GPATCH2L: variants seen among roughly 807,000 people sequenced by gnomAD.
GPATCH2L encodes G patch domain-containing protein 2-like.
Under a neutral mutation model 57.4 loss-of-function variants are expected in GPATCH2L, and 31 were observed. That is an observed-to-expected ratio of 0.54 (90% confidence interval 0.41 to 0.73). The LOEUF (loss-of-function observed/expected upper bound fraction) is 0.73, where lower values mean the gene tolerates loss of function less well. Among genes scored for constraint, GPATCH2L ranks in the 30% least tolerant of loss-of-function variants. GPATCH2L has a pLI of 0.00. For synonymous variants in GPATCH2L, 199 were observed against 210.7 expected (o/e 0.94, Z 0.48); for missense variants, 481 against 599.9 (o/e 0.80, Z 2.07).
intron 8 of GPATCH2L, among the ~76,000 whole-genome samples, chr14:76,187,581 A>G (rs2039816334): frequency 6.6e-6 from 1 of 152,094 alleles, no homozygotes; most frequent in Non-Finnish European, 1.5e-5. Flanking sequence ...TAACTTTCTA[A>G]TTTTTAATTT....
rs78248589 is a variant in GPATCH2L, at chr14:76,196,437, G to GTTTT, written c.1288+482_1288+485dup. 2.6e-3 allele frequency: 341 copies of GTTTT among 129,474 alleles called. 3 individuals carry two copies. Among genetic ancestry groups the GTTTT allele is most frequent in the Non-Finnish European group, 3.6e-3 (227 of 62,422 alleles). 8.0% of individuals were successfully genotyped at this position (129,474 alleles called of 1,614,324 possible). On this transcript the variant is annotated intron_variant, in intron 9 of 9. Transcript: ENST00000261530. ...CAATTTTTTAGGCTAAAACTTTTCA[G>GTTTT]TTTTTTTTTTTTTTTTTTTTAACAA...
At chr14:76,191,513 T>C (rs2039961940) in intron 8 of GPATCH2L, among the ~76,000 whole-genome samples, 2 of 152,100 alleles carry the variant, frequency 1.3e-5, no homozygotes. Flanking sequence ...AGCAGGGCTG[T>C]GCTAATATTC....
At chr14:76,169,616 C>T (rs72727857) in intron 3 of GPATCH2L, among the ~76,000 whole-genome samples, 3,131 of 152,264 alleles carry the variant, frequency 0.021, 72 homozygotes, top group East Asian at 0.13. Context: ...GGTCTCACAA[C>T]GTTCCTTCTA....
downstream of GPATCH2L, among the ~76,000 whole-genome samples, chr14:76,216,473 C>A (rs75730983): frequency 6.5e-3 from 986 of 152,212 alleles, 11 homozygotes; most frequent in African/African-American, 0.023. Context: ...TGAATATGAA[C>A]AACTTAAGCC....
Position 76,154,797 on chromosome 14 carries a change from A to G in GPATCH2L, c.434A>G (p.Gln145Arg), listed in dbSNP as rs760815960. ...VTSEVAASLQ[Q>R]KLKVSDWSYE... Reference sequence around the variant, plus strand: ...TCAGAGGTGGCTGCTAGCCTTCAGCAGAAGCTGAAGGTGTCAGATTGGAGC... The same window carrying G: ...TCAGAGGTGGCTGCTAGCCTTCAGCGGAAGCTGAAGGTGTCAGATTGGAGC... The change falls in exon 2 of 10, where the codon CAG becomes CGG. Residue 145 changes from glutamine (Q) to arginine (R), a missense_variant. Physicochemically the swap from Gln to Arg is conservative, Grantham distance 43 (BLOSUM62 1). Around this residue, in one of 3 missense-constraint regions of GPATCH2L, gnomAD observed 208 missense variants for 272.4 expected, o/e 0.76. Coordinates refer to ENST00000261530, the MANE Select transcript of GPATCH2L (RefSeq NM_017926.4). This position sits in a 1 kb window ranked among gnomAD's most constrained non-coding sequence, Gnocchi z 4.4. 3 of 1,613,460 alleles carry G rather than the reference A, an allele frequency of 1.9e-6. No homozygotes were observed. Among genetic ancestry groups the G allele is most frequent in the Non-Finnish European group, 2.5e-6 (3 of 1,179,310 alleles).
chr14:76,226,365 G>A (rs2040536463), intron 1 of GPATCH2L, among the ~76,000 whole-genome samples: 1 of 152,226 alleles, frequency 6.6e-6, no homozygotes. Flanking sequence ...TACATTGTAT[G>A]ATTCCATTTA....
intron 1 of GPATCH2L, among the ~76,000 whole-genome samples, chr14:76,229,101 C>G (rs2040549070): frequency 6.6e-6 from 1 of 152,216 alleles, no homozygotes; most frequent in South Asian, 2.1e-4. Context: ...AGCCAGGTGA[C>G]TGCAAGCTCT....
intron 8 of GPATCH2L, among the ~76,000 whole-genome samples, chr14:76,182,140 G>A (rs1021400921): frequency 1.3e-5 from 2 of 151,988 alleles, no homozygotes; most frequent in African/African-American, 4.8e-5. Flanking sequence ...GGCGGATCAT[G>A]AGGTCAGGAG....
rs568527690 is a variant in GPATCH2L at position 76,163,545 on chromosome 14, A to C, written c.663-3118A>C. Among the ~76,000 whole-genome samples, 9 of 152,318 alleles carry C rather than the reference A, an allele frequency of 5.9e-5. No homozygotes were observed. The South Asian group carries it at 1.2e-3, about 21-fold the overall frequency. Reference sequence around the variant, plus strand: ...ATGAAGATAGGTTTGCATCTTATAAAATTTAGAGTGCTGTTCTAATGAGAA... The same window carrying C: ...ATGAAGATAGGTTTGCATCTTATAACATTTAGAGTGCTGTTCTAATGAGAA... On this transcript the variant is annotated intron_variant, in intron 2 of 9. Transcript: ENST00000261530.
chr14:76,216,942 A>T (rs2040492540), downstream of GPATCH2L, among the ~76,000 whole-genome samples: 1 of 152,234 alleles, frequency 6.6e-6, no homozygotes, highest in Admixed American at 6.5e-5. Flanking sequence ...GATTATAAAA[A>T]TGAAGGGTGT....
intron 4 of GPATCH2L, among the ~76,000 whole-genome samples, chr14:76,173,221 T>C (rs11159179): frequency 0.39 from 59,167 of 151,742 alleles, 13,991 homozygotes; most frequent in South Asian, 0.56. Context: ...TAGTACCTTA[T>C]GTTTGTGTGG....
chr14:76,176,277 T>A (rs2039323480), intron 5 of GPATCH2L: 2 of 183,404 alleles, frequency 1.1e-5, no homozygotes, highest in East Asian at 1.4e-4. Flanking sequence ...CTGTTAAAAA[T>A]TGGCTACTGT....
At chr14:76,221,185 C>T (rs1008600730) in intron 1 of GPATCH2L, among the ~76,000 whole-genome samples, 1 of 150,074 alleles carries the variant, frequency 6.7e-6, no homozygotes, top group African/African-American at 2.4e-5. Flanking sequence ...AAAAAAAGCC[C>T]TAAATTAAAA....
chr14:76,203,465 G>A lies in GPATCH2L; in HGVS notation c.*1614G>A, dbSNP rs2040341060. 6.6e-6 allele frequency: 1 copy of A among 152,276 alleles called. No homozygotes were observed. Among genetic ancestry groups the A allele is most frequent in the African/African-American group, 2.4e-5 (1 of 41,362 alleles). The allele number at this position is 152,276 out of a possible 1,614,324, so 9.4% of individuals were successfully genotyped here. On this transcript the variant is annotated 3_prime_UTR_variant, in exon 10 of 10. Transcript: ENST00000261530. Reference sequence around the variant, plus strand: ...TGCTCACAGGGATGTTCCACCCCTGGTTCTCATGCAGTAGTGTGGGAGAGT... The same window carrying A: ...TGCTCACAGGGATGTTCCACCCCTGATTCTCATGCAGTAGTGTGGGAGAGT...
At position 76,180,711 on chromosome 14, in the gene GPATCH2L, A is replaced by T. The variant is rs60188529; in HGVS notation, c.1108-53A>T. The T allele has an allele frequency of 1.2e-3, 1,380 of 1,143,724 alleles. 13 individuals carry two copies. In the African/African-American group the frequency reaches 0.018, roughly 15 times the overall value. 70.8% of individuals were successfully genotyped at this position (1,143,724 alleles called of 1,614,324 possible). A position where few individuals can be genotyped will look rare whatever the true frequency, so the allele number is the denominator to read the frequency against. On this transcript the variant is annotated intron_variant, in intron 7 of 9. Transcript: ENST00000261530. ...AATCAAATGTAGGTTACCCTTTAGG[A>T]TCAGGTCCGTTTCATGTAAGCCTTA...
downstream of GPATCH2L, among the ~76,000 whole-genome samples, chr14:76,217,400 C>T (rs1364980036): frequency 2.6e-5 from 4 of 152,014 alleles, no homozygotes; most frequent in East Asian, 7.7e-4. Context: ...GCTGGGGCAC[C>T]TCTGCTCTAA....
intron 2 of GPATCH2L, among the ~76,000 whole-genome samples, chr14:76,158,952 G>T (rs1484942423): frequency 6.6e-6 from 1 of 152,196 alleles, no homozygotes; most frequent in African/African-American, 2.4e-5. Flanking sequence ...GGATTGTTCT[G>T]TGTGGCTCCA....
chr14:76,231,330 T>C (rs1455454578), intron 2 of GPATCH2L, among the ~76,000 whole-genome samples: 2 of 152,202 alleles, frequency 1.3e-5, no homozygotes, highest in Non-Finnish European at 2.9e-5. Flanking sequence ...GTCTCTTTCC[T>C]AGTGCTGCCT....
chr14:76,235,004 A>T (rs1331157123), intron 2 of GPATCH2L: 1 of 152,138 alleles, frequency 6.6e-6, no homozygotes, highest in Admixed American at 6.6e-5. Context: ...CCCTGTCTCT[A>T]CTAAAAATAC....
Sources: gnomAD v4.1 joint callset for allele counts (sites outside exome capture counted in the v4.1 genomes callset) on GRCh38, gnomAD v4.1.1 for gene constraint, gnomAD v4.1.1 regional missense constraint, Gnocchi (gnomAD v3.1) non-coding constraint, MANE v1.5 for transcripts, NCBI Gene and HGNC (gene_info 2026-07-23, HGNC 2026-07-21) for gene names.